Variants in HMBOX1 observed in about 807,000 individuals in gnomAD.
The protein encoded by HMBOX1 is homeobox containing 1, also known as homeobox-containing protein 1.
Under a neutral mutation model 54.5 loss-of-function variants are expected in HMBOX1, and 14 were observed. That is an observed-to-expected ratio of 0.26 (90% CI 0.17 to 0.40). The LOEUF (loss-of-function observed/expected upper bound fraction) is 0.40, where lower values mean the gene tolerates loss of function less well. Ranked by LOEUF, HMBOX1 falls within the 10% of genes least tolerant of loss-of-function variation. The pLI is 1.00. For synonymous variants in HMBOX1, 160 were observed against 181.0 expected, an observed-to-expected ratio of 0.88 and a Z score of 0.93; for missense variants, 332 against 514.4, an observed-to-expected ratio of 0.65 and a Z score of 3.43.
chr8:28,941,699 G>A (rs1190448622), intron 1 of HMBOX1, among the ~76,000 whole-genome samples: 1 of 152,048 alleles, frequency 6.6e-6, no homozygotes, highest in African/African-American at 2.4e-5. Context: ...TTCCTGTTCA[G>A]TGAGCAGTAG....
chr8:28,926,250 A>G (rs1818435381), intron 1 of HMBOX1, among the ~76,000 whole-genome samples: 1 of 151,860 alleles, frequency 6.6e-6, no homozygotes, highest in East Asian at 1.9e-4. Flanking sequence ...TGACTTTATT[A>G]GAGATAAACA....
intron 5 of HMBOX1, among the ~76,000 whole-genome samples, chr8:29,014,530 G>A (rs1363114308): frequency 2.0e-5 from 3 of 151,898 alleles, no homozygotes; most frequent in Non-Finnish European, 4.4e-5. Flanking sequence ...GTACTTTTTT[G>A]TGCTGTTTTT....
chr8:28,965,554 C>G (rs1341754018), intron 2 of HMBOX1, among the ~76,000 whole-genome samples: 1 of 152,158 alleles, frequency 6.6e-6, no homozygotes, highest in Non-Finnish European at 1.5e-5. Context: ...CAAGTGAAGG[C>G]TAAAGGTGGA....
chr8:28,961,920 C>CTTT (rs35117256), intron 1 of HMBOX1, among the ~76,000 whole-genome samples: 8 of 116,532 alleles, frequency 6.9e-5, no homozygotes, highest in Non-Finnish European at 1.2e-4. Flanking sequence ...TTTCTTTTTT[C>CTTT]TTTTTTTTTT....
At chr8:28,892,492 G>A (rs1022927577) in intron 1 of HMBOX1, among the ~76,000 whole-genome samples, 3 of 152,028 alleles carry the variant, frequency 2.0e-5, no homozygotes, top group Admixed American at 1.3e-4. Flanking sequence ...AAAGAAATTG[G>A]CATAATTTCT....
At chr8:29,013,094 C>T (rs1427259387) in intron 5 of HMBOX1, among the ~76,000 whole-genome samples, 1 of 152,080 alleles carries the variant, frequency 6.6e-6, no homozygotes, top group East Asian at 1.9e-4. Context: ...TGACTCTATT[C>T]CTGGGCGTTG....
At chr8:28,925,611 C>T (rs193071046) in intron 1 of HMBOX1, among the ~76,000 whole-genome samples, 1 of 147,972 alleles carries the variant, frequency 6.8e-6, no homozygotes, top group East Asian at 2.0e-4. Flanking sequence ...GAAATACAGA[C>T]TCAGCCTTGA....
chr8:28,952,852 A>C (rs1353201676), intron 1 of HMBOX1, among the ~76,000 whole-genome samples: 1 of 152,258 alleles, frequency 6.6e-6, no homozygotes, highest in Non-Finnish European at 1.5e-5. Flanking sequence ...TTTAATCACA[A>C]ATCATAATGA....
intron 9 of HMBOX1, chr8:29,049,548 G>T: frequency 1.7e-6 from 2 of 1,159,854 alleles, no homozygotes; most frequent in Non-Finnish European, 1.2e-6. Flanking sequence ...CAAAGGAGTG[G>T]TTCTTCCAGA....
intron 1 of HMBOX1, among the ~76,000 whole-genome samples, chr8:28,926,182 G>A (rs1818418637): frequency 6.6e-6 from 1 of 151,944 alleles, no homozygotes; most frequent in Admixed American, 6.6e-5. Flanking sequence ...TATGCCTGTA[G>A]TCCCAGCTAC....
intron 1 of HMBOX1, among the ~76,000 whole-genome samples, chr8:28,944,165 T>A (rs1222046720): frequency 6.6e-6 from 1 of 152,248 alleles, no homozygotes; most frequent in Non-Finnish European, 1.5e-5. Context: ...AATCTTTATT[T>A]GCAGTTTCCT....
intron 9 of HMBOX1, chr8:29,049,439 C>T: frequency 1.3e-6 from 2 of 1,507,976 alleles, no homozygotes; most frequent in Non-Finnish European, 1.8e-6. Flanking sequence ...TTGAGAAATA[C>T]TAGGGGCAGC....
chr8:28,930,749 C>T (rs1819345893), intron 1 of HMBOX1, among the ~76,000 whole-genome samples: 1 of 152,104 alleles, frequency 6.6e-6, no homozygotes, highest in Non-Finnish European at 1.5e-5. Flanking sequence ...TGAAATCTTA[C>T]TTTTTGAAAT....
intron 3 of HMBOX1, among the ~76,000 whole-genome samples, chr8:28,973,853 C>A (rs1047917456): frequency 9.3e-6 from 1 of 107,982 alleles, no homozygotes; most frequent in African/African-American, 3.5e-5. Context: ...CTCGCTCTGT[C>A]ACCCAGGCTG....
At chr8:28,945,576 C>A (rs1017497268) in intron 1 of HMBOX1, among the ~76,000 whole-genome samples, 1 of 152,154 alleles carries the variant, frequency 6.6e-6, no homozygotes, top group Admixed American at 6.5e-5. Context: ...ATAAAAGAAC[C>A]TGCTAAGGAG....
intron 9 of HMBOX1, chr8:29,050,532 A>G (rs922592225): frequency 6.6e-6 from 1 of 152,540 alleles, no homozygotes; most frequent in African/African-American, 2.4e-5. Flanking sequence ...ACAAAAATGC[A>G]TTTTTTATCT....
At chr8:28,939,463 G>A (rs1007682424) in intron 1 of HMBOX1, among the ~76,000 whole-genome samples, 3 of 151,940 alleles carry the variant, frequency 2.0e-5, no homozygotes, top group African/African-American at 7.3e-5. Flanking sequence ...ATTGGAATAG[G>A]GCAGGAGTCA....
Position 28,980,166 on chromosome 8 carries a change from G to A in HMBOX1, c.586+10G>A, listed in dbSNP as rs766236038. The A allele has an allele frequency of 1.3e-6, 2 of 1,591,820 alleles. No homozygotes were observed. The highest frequency in any genetic ancestry group is 2.7e-5 in the African/African-American group (2 of 74,468). On this transcript the variant is annotated intron_variant, in intron 4 of 9. Coordinates refer to ENST00000287701, the MANE Select transcript of HMBOX1 (RefSeq NM_001135726.3). ...GTTGCACAGGTAACAGGTAAGAGCT[G>A]AAGAGCCCTTTATTCTGGAATCATG...
chr8:28,976,700 CTTTTTTTTCTTTTT>C (rs1828442064), intron 3 of HMBOX1, among the ~76,000 whole-genome samples: 2 of 147,218 alleles, frequency 1.4e-5, no homozygotes, highest in South Asian at 2.1e-4. Context: ...CTTTTCTTTT[CTTTTTTTTCTTTTT>C]TTTTTTTTTT....
Sources: allele counts gnomAD v4.1 joint callset (sites outside exome capture counted in the v4.1 genomes callset), GRCh38; gene constraint gnomAD v4.1.1; transcripts MANE v1.5; gene names NCBI Gene and HGNC (gene_info 2026-07-23, HGNC 2026-07-21).